CTNND2: variants seen among roughly 807,000 people sequenced by gnomAD.
CTNND2 encodes the protein catenin delta-2.
Under a neutral mutation model 144.4 loss-of-function variants are expected in CTNND2, and 22 were observed. That is an observed-to-expected ratio of 0.15 (90% CI 0.11 to 0.22). CTNND2 has a LOEUF of 0.22. CTNND2 is among the 10% of genes least tolerant of loss of function. The pLI is 1.00. For missense variants in CTNND2, 1,353 were observed against 1,618.8 expected (o/e 0.84, Z 2.82); for synonymous variants, 751 against 695.6 (o/e 1.08, Z -1.25).
At chr5:11,105,868 C>T (rs969753367) in intron 14 of CTNND2, among the ~76,000 whole-genome samples, 2 of 151,934 alleles carry the variant, frequency 1.3e-5, no homozygotes, top group African/African-American at 4.8e-5. Context: ...AGGTGAAGGC[C>T]GAGGGAGACT....
rs181365053 is a variant in CTNND2 at position 11,536,797 on chromosome 5, G to T, written c.287+28147C>A. 1.8e-3 allele frequency among the ~76,000 whole-genome samples: 281 copies of T among 152,078 alleles called. 3 individuals carry two copies. Among genetic ancestry groups the T allele is most frequent in the Non-Finnish European group, 4.3e-4 (29 of 67,988 alleles). Reference sequence around the variant, plus strand: ...AGTGCGCACTGTTCGGGTTATGGGCGCACCAAAATCTCAGAAATCACCACT... The same window carrying T: ...AGTGCGCACTGTTCGGGTTATGGGCTCACCAAAATCTCAGAAATCACCACT... On this transcript the variant is annotated intron_variant, in intron 3 of 21. Coordinates refer to ENST00000304623, the MANE Select transcript of CTNND2 (RefSeq NM_001332.4).
intron 9 of CTNND2, among the ~76,000 whole-genome samples, chr5:11,264,243 G>A (rs1055061213): frequency 1.3e-5 from 2 of 152,170 alleles, no homozygotes; most frequent in Non-Finnish European, 1.5e-5. Flanking sequence ...CTGAACTGGC[G>A]AATCCAGAAC....
intron 3 of CTNND2, among the ~76,000 whole-genome samples, chr5:11,563,557 G>C (rs6873901): frequency 0.46 from 70,322 of 152,032 alleles, 17,423 homozygotes; most frequent in Middle Eastern, 0.61. Context: ...TGGTTAATCT[G>C]GATGTTTAGG....
intron 3 of CTNND2, among the ~76,000 whole-genome samples, chr5:11,556,009 T>C (rs1016338795): frequency 6.6e-6 from 1 of 152,194 alleles, no homozygotes; most frequent in Non-Finnish European, 1.5e-5. Flanking sequence ...TTCAATAAAC[T>C]AATTGTCTTG....
intron 11 of CTNND2, among the ~76,000 whole-genome samples, chr5:11,186,721 A>G (rs1273207953): frequency 6.6e-6 from 1 of 152,184 alleles, no homozygotes; most frequent in East Asian, 1.9e-4. Flanking sequence ...GTGGATTCCC[A>G]AGCTATTATC....
intron 2 of CTNND2, among the ~76,000 whole-genome samples, chr5:11,590,170 C>T (rs1397869887): frequency 6.6e-6 from 1 of 151,826 alleles, no homozygotes; most frequent in South Asian, 2.1e-4. Context: ...CTCGGCCTCC[C>T]GAGTAGCAGG....
intron 16 of CTNND2, among the ~76,000 whole-genome samples, chr5:11,051,948 C>T (rs1283784107): frequency 6.6e-6 from 1 of 152,198 alleles, no homozygotes; most frequent in African/African-American, 2.4e-5. Flanking sequence ...GTCTGCCTGC[C>T]ATGTTTATCT....
intron 11 of CTNND2, among the ~76,000 whole-genome samples, chr5:11,191,303 T>C (rs1364037810): frequency 1.3e-5 from 2 of 152,172 alleles, no homozygotes; most frequent in Non-Finnish European, 2.9e-5. Context: ...CCCCATAGGA[T>C]TGAGGAAAAC....
At chr5:11,536,261 C>A (rs1774210487) in intron 3 of CTNND2, among the ~76,000 whole-genome samples, 1 of 151,878 alleles carries the variant, frequency 6.6e-6, no homozygotes, top group Admixed American at 6.6e-5. Flanking sequence ...ATAGGGTCTC[C>A]CTATGTTACC....
chr5:11,710,312 G>C (rs1253417288), intron 2 of CTNND2, among the ~76,000 whole-genome samples: 1 of 152,164 alleles, frequency 6.6e-6, no homozygotes, highest in East Asian at 1.9e-4. Flanking sequence ...GGAGGCTGAG[G>C]TGGGTGGATC....
At chr5:11,229,752 A>ATT (rs761051230) in intron 10 of CTNND2, among the ~76,000 whole-genome samples, 23 of 151,706 alleles carry the variant, frequency 1.5e-4, no homozygotes, top group Non-Finnish European at 2.2e-4. Flanking sequence ...ATATACATAT[A>ATT]TATACTGTAT....
At position 11,377,735 on chromosome 5, in the gene CTNND2, C is replaced by G. The variant is rs1242812277; in HGVS notation, c.1177+6930G>C. On this transcript the variant is annotated intron_variant, in intron 7 of 21. Transcript: ENST00000304623. ...ACCAGGAAGACATTTTGGGCCACCT[C>G]GCAATCCCAACTCTTAGTTCCAGGC... 2.0e-5 allele frequency among the ~76,000 whole-genome samples: 3 copies of G among 152,170 alleles called. No individual in the cohort carries two copies. In the East Asian group the frequency reaches 5.8e-4, roughly 29 times the overall value.
chr5:11,830,763 T>C (rs866273381), intron 1 of CTNND2, among the ~76,000 whole-genome samples: 1 of 152,156 alleles, frequency 6.6e-6, no homozygotes, highest in Non-Finnish European at 1.5e-5. Flanking sequence ...TGCAAGGAGC[T>C]GCAGAGCACC....
At chr5:11,569,667 G>T (rs1350908556) in intron 2 of CTNND2, among the ~76,000 whole-genome samples, 4 of 152,052 alleles carry the variant, frequency 2.6e-5, no homozygotes, top group Admixed American at 6.6e-5. Context: ...TATAGCATTA[G>T]TTGGGATGGT....
intron 3 of CTNND2, among the ~76,000 whole-genome samples, chr5:11,439,435 C>T (rs1764050724): frequency 6.6e-6 from 1 of 152,148 alleles, no homozygotes; most frequent in Non-Finnish European, 1.5e-5. Flanking sequence ...TTCCCTTTCA[C>T]TCCTTTAGTT....
At chr5:11,313,594 G>A (rs994332286) in intron 9 of CTNND2, among the ~76,000 whole-genome samples, 1 of 152,030 alleles carries the variant, frequency 6.6e-6, no homozygotes, top group Non-Finnish European at 1.5e-5. Context: ...CCTGGGCATA[G>A]AGCAGCCATG....
At chr5:11,778,480 T>A (rs1302310777) in intron 1 of CTNND2, among the ~76,000 whole-genome samples, 2 of 152,162 alleles carry the variant, frequency 1.3e-5, no homozygotes, top group Non-Finnish European at 2.9e-5. Context: ...GATGAGCCCA[T>A]AATATAAGAA....
chr5:11,280,823 C>A (rs1275426447), intron 9 of CTNND2, among the ~76,000 whole-genome samples: 2 of 152,104 alleles, frequency 1.3e-5, no homozygotes, highest in African/African-American at 2.4e-5. Flanking sequence ...TACTCCAGCC[C>A]TGAAGACTAT....
chr5:11,873,545 T>G (rs531185162), intron 1 of CTNND2, among the ~76,000 whole-genome samples: 1 of 152,310 alleles, frequency 6.6e-6, no homozygotes, highest in South Asian at 2.1e-4. Context: ...GTTTACCACT[T>G]TATCATAATG....
Sources: gnomAD v4.1 joint callset for allele counts (sites outside exome capture counted in the v4.1 genomes callset) on GRCh38, gnomAD v4.1.1 for gene constraint, MANE v1.5 for transcripts, NCBI Gene and HGNC (gene_info 2026-07-23, HGNC 2026-07-21) for gene names.